The following MCTP2 variants were observed in gnomAD, a reference collection of about 807,000 sequenced individuals.
MCTP2 encodes multiple C2 and transmembrane domain-containing protein 2.
MCTP2 carries 132 observed loss-of-function variants against 111.6 expected under a neutral mutation model. The ratio of observed to expected loss-of-function variants is 1.18; its 90% CI spans 1.03 to 1.37. The LOEUF (loss-of-function observed/expected upper bound fraction) is 1.37, where lower values mean the gene tolerates loss of function less well. MCTP2 is among the 40% of genes most tolerant of loss of function. The probability of loss-of-function intolerance (pLI) is 0.00; values close to 1 mark genes in which losing one functional copy is unlikely to be tolerated. For missense variants in MCTP2, 1,183 were observed against 1,067.9 expected, an observed-to-expected ratio of 1.11 and a Z score of -1.50; for synonymous variants, 395 against 387.7, an observed-to-expected ratio of 1.02 and a Z score of -0.22.
intron 11 of MCTP2, among the ~76,000 whole-genome samples, chr15:94,369,307 C>G (rs10520750): frequency 0.23 from 35,396 of 152,060 alleles, 5,019 homozygotes; most frequent in Non-Finnish European, 0.32. Flanking sequence ...AGGTTTTTAG[C>G]TATCTAATGA....
chr15:94,277,664 G>A (rs765197596), intron 1 of MCTP2, among the ~76,000 whole-genome samples: 3 of 152,148 alleles, frequency 2.0e-5, no homozygotes, highest in Non-Finnish European at 2.9e-5. Flanking sequence ...CAGAGGTTCA[G>A]GGGGAGGTAA....
intron 21 of MCTP2, among the ~76,000 whole-genome samples, chr15:94,472,400 C>T (rs561751495): frequency 3.9e-5 from 6 of 152,138 alleles, no homozygotes; most frequent in South Asian, 4.2e-4. Flanking sequence ...AACAAAAAAA[C>T]GAAAAAGACA....
At chr15:94,314,792 G>T (rs1219696739) in intron 3 of MCTP2, 4 of 455,448 alleles carry the variant, frequency 8.8e-6, no homozygotes, top group Non-Finnish European at 1.8e-5. Context: ...TTCAAAAACA[G>T]ACTTGAATTC....
chr15:94,402,641 A>G (rs2081658704), intron 17 of MCTP2: 1 of 1,544,350 alleles, frequency 6.5e-7, no homozygotes, highest in Admixed American at 2.0e-5. Flanking sequence ...GAATCTTGGA[A>G]GGACTTCACA....
At chr15:94,399,707 C>G in intron 15 of MCTP2, 1 of 533,696 alleles carries the variant, frequency 1.9e-6, no homozygotes, top group East Asian at 3.1e-5. Context: ...AGACAGTACC[C>G]TTCTAGACTC....
chr15:94,415,856 A>T (rs2082353328), intron 17 of MCTP2, among the ~76,000 whole-genome samples: 1 of 152,074 alleles, frequency 6.6e-6, no homozygotes, highest in South Asian at 2.1e-4. Context: ...ATTTTATCAG[A>T]CTCTGTATCT....
At chr15:94,430,972 T>C (rs1301039114) in intron 17 of MCTP2, among the ~76,000 whole-genome samples, 1 of 152,160 alleles carries the variant, frequency 6.6e-6, no homozygotes, top group Non-Finnish European at 1.5e-5. Flanking sequence ...CTCCTTCCCT[T>C]CCTTGTCTCT....
At chr15:94,293,489 A>G (rs182623016) in intron 1 of MCTP2, among the ~76,000 whole-genome samples, 39 of 152,228 alleles carry the variant, frequency 2.6e-4, no homozygotes, top group Non-Finnish European at 5.0e-4. Context: ...AAAATTAAAA[A>G]CCCAGATGTT....
intron 8 of MCTP2, among the ~76,000 whole-genome samples, chr15:94,352,040 C>G (rs1210400953): frequency 6.6e-6 from 1 of 152,220 alleles, no homozygotes; most frequent in African/African-American, 2.4e-5. Context: ...CTGGAATTCA[C>G]ATCACTATCT....
chr15:94,320,300 G>A (rs778122855), intron 4 of MCTP2, among the ~76,000 whole-genome samples: 2 of 151,836 alleles, frequency 1.3e-5, no homozygotes, highest in African/African-American at 4.8e-5. Context: ...CCGCCACCAC[G>A]CCCAGCTAAT....
At chr15:94,281,856 T>A (rs112572030) in intron 1 of MCTP2, among the ~76,000 whole-genome samples, 11 of 152,124 alleles carry the variant, frequency 7.2e-5, no homozygotes, top group Admixed American at 2.6e-4. Context: ...TTGGAATTAT[T>A]TTTTTTTCAT....
intron 5 of MCTP2, 44 bp from the exon 6 acceptor site, chr15:94,340,155 G>T: frequency 7.3e-7 from 1 of 1,366,792 alleles, no homozygotes. Context: ...AACTCAGTTG[G>T]TTTACCATAA....
intron 12 of MCTP2, among the ~76,000 whole-genome samples, chr15:94,382,109 C>G (rs553466276): frequency 6.6e-6 from 1 of 152,154 alleles, no homozygotes; most frequent in Non-Finnish European, 1.5e-5. Flanking sequence ...GCCCTTGCAT[C>G]GGTCTTGAGT....
intron 1 of MCTP2, among the ~76,000 whole-genome samples, chr15:94,279,948 A>G (rs1379657421): frequency 6.6e-6 from 1 of 152,160 alleles, no homozygotes; most frequent in African/African-American, 2.4e-5. Context: ...CATCCCAGAA[A>G]TAGTACTATA....
At chr15:94,384,179 G>T (rs983299987) in intron 13 of MCTP2, 55 bp downstream of exon 13, 1 of 1,202,660 alleles carries the variant, frequency 8.3e-7, no homozygotes, top group Non-Finnish European at 1.2e-6. Context: ...GTAGTCTGGG[G>T]CTCTTGAGTG....
chr15:94,243,351 A>G (rs1312427767), intron 1 of MCTP2, among the ~76,000 whole-genome samples: 4 of 148,118 alleles, frequency 2.7e-5, no homozygotes, highest in Admixed American at 6.7e-5. Context: ...ATGTACATAC[A>G]TACGTATGCG....
At chr15:94,337,804 C>G (rs2077440894) in intron 4 of MCTP2, among the ~76,000 whole-genome samples, 1 of 148,178 alleles carries the variant, frequency 6.7e-6, no homozygotes. Context: ...CTATTTGCAG[C>G]TTATTTAATT....
intron 10 of MCTP2, among the ~76,000 whole-genome samples, chr15:94,359,248 C>T (rs952314963): frequency 6.6e-6 from 1 of 152,174 alleles, no homozygotes; most frequent in African/African-American, 2.4e-5. Flanking sequence ...CTCTGAGCTT[C>T]AGAAAAGCCC....
At chr15:94,274,571 A>G (rs1043183174) in intron 1 of MCTP2, among the ~76,000 whole-genome samples, 4 of 152,138 alleles carry the variant, frequency 2.6e-5, no homozygotes, top group Non-Finnish European at 4.4e-5. Flanking sequence ...AATGAAAAGC[A>G]TAGGATATTA....
Sources: gnomAD v4.1 joint callset for allele counts (sites outside exome capture counted in the v4.1 genomes callset) on GRCh38, gnomAD v4.1.1 for gene constraint, MANE v1.5 for transcripts, NCBI Gene and HGNC (gene_info 2026-07-23, HGNC 2026-07-21) for gene names.